Variants in IL1R2 observed in about 807,000 individuals in gnomAD.
IL1R2 encodes the protein interleukin-1 receptor type 2.
A neutral mutation model predicts 39.5 loss-of-function variants in IL1R2; 46 were observed. The ratio of observed to expected loss-of-function variants is 1.16; its 90% confidence interval spans 0.92 to 1.49. The LOEUF (loss-of-function observed/expected upper bound fraction) is 1.49. Ranked by LOEUF, IL1R2 falls within the 40% of genes most tolerant of loss-of-function variation. The pLI, the probability that IL1R2 is intolerant of heterozygous loss-of-function variation, is 0.00. For synonymous variants in IL1R2, 207 were observed against 189.6 expected, an observed-to-expected ratio of 1.09 and a Z score of -0.75; for missense variants, 537 against 502.0, an observed-to-expected ratio of 1.07 and a Z score of -0.67.
intron 5 of IL1R2, 32 bp from the exon 6 acceptor site, chr2:102,022,155 A>G (rs1677439244): frequency 1.9e-6 from 3 of 1,573,462 alleles, no homozygotes; most frequent in Non-Finnish European, 2.6e-6. Context: ...AGGCTTTCCT[A>G]ACGGAATCTC....
chr2:101,992,484 CAGAGAGACAGAGATGG>C (rs1236515487), intron 1 of IL1R2, among the ~76,000 whole-genome samples: 1 of 126,548 alleles, frequency 7.9e-6, no homozygotes, highest in African/African-American at 3.1e-5. Flanking sequence ...CAGAGAGAGG[CAGAGAGACAGAGATGG>C]AGAGAGACAG....
intron 4 of IL1R2, among the ~76,000 whole-genome samples, chr2:102,019,107 C>T (rs945884869): frequency 1.3e-5 from 2 of 152,140 alleles, no homozygotes; most frequent in African/African-American, 4.8e-5. Context: ...TCTGCAGAGA[C>T]CCCAGAGAAC....
intron 1 of IL1R2, among the ~76,000 whole-genome samples, chr2:101,995,835 C>T (rs1051302090): frequency 2.6e-5 from 4 of 152,180 alleles, no homozygotes; most frequent in Admixed American, 6.5e-5. Flanking sequence ...AGCAGTGGGA[C>T]GCCCATTGTT....
At chr2:102,002,353 T>G (rs11677645) in intron 1 of IL1R2, among the ~76,000 whole-genome samples, 17,408 of 146,902 alleles carry the variant, frequency 0.12, 1,270 homozygotes, top group East Asian at 0.33. Context: ...CGGGTGTGTC[T>G]GTGTCTGTGT....
chr2:102,022,965 A>C (rs750102740), intron 6 of IL1R2, among the ~76,000 whole-genome samples: 2 of 152,148 alleles, frequency 1.3e-5, no homozygotes, highest in Non-Finnish European at 2.9e-5. Flanking sequence ...AATTTTCCAA[A>C]AGGAAAAAGC....
At chr2:102,021,033 G>A (rs997848635) in intron 5 of IL1R2, among the ~76,000 whole-genome samples, 2 of 152,168 alleles carry the variant, frequency 1.3e-5, no homozygotes, top group Non-Finnish European at 2.9e-5. Context: ...AGATCCTGGA[G>A]GCTTCTTTCT....
At chr2:102,001,352 T>G (rs1288436473) in intron 1 of IL1R2, among the ~76,000 whole-genome samples, 3 of 152,218 alleles carry the variant, frequency 2.0e-5, no homozygotes, top group Non-Finnish European at 4.4e-5. Context: ...GATTTGCTCC[T>G]CTGAGATTCA....
At chr2:102,026,068 C>T (rs1477317884) in intron 7 of IL1R2, 43 bp from the exon 8 acceptor site, 1 of 1,469,646 alleles carries the variant, frequency 6.8e-7, no homozygotes, top group South Asian at 1.2e-5. Context: ...GACAAGCTTG[C>T]ATTCGATACA....
At chr2:102,011,487 C>T (rs751802861) in intron 3 of IL1R2, among the ~76,000 whole-genome samples, 6 of 152,166 alleles carry the variant, frequency 3.9e-5, no homozygotes, top group African/African-American at 1.2e-4. Flanking sequence ...TAATGATTAG[C>T]GATGCTGAGC....
chr2:102,003,574 G>A (rs1676056284), intron 1 of IL1R2, among the ~76,000 whole-genome samples: 2 of 90,450 alleles, frequency 2.2e-5, no homozygotes, highest in African/African-American at 1.4e-4. Context: ...GTCGGTGTCT[G>A]TGTCGGTGTC....
chr2:102,009,214 A>G (rs1398157767), intron 2 of IL1R2, among the ~76,000 whole-genome samples: 1 of 152,166 alleles, frequency 6.6e-6, no homozygotes, highest in African/African-American at 2.4e-5. Flanking sequence ...GCTCAGATTT[A>G]CTTTTAATGA....
Position 102,022,224 on chromosome 2 carries a change from C to G in IL1R2, c.726C>G (p.Pro242=), listed in dbSNP as rs373531762. The G allele has an allele frequency of 6.2e-7, 1 of 1,613,850 alleles. No individual in the cohort carries two copies. Among genetic ancestry groups the G allele is most frequent in the Non-Finnish European group, 8.5e-7 (1 of 1,179,692 alleles). ...KEETIPVIIS[P]LKTISASLGS... ...AGACCATTCCTGTGATCATTTCCCC[C>G]CTCAAGACCATATCAGCTTCTCTGG... The change falls in exon 6 of 9, where the codon CCC becomes CCG. Residue 242 remains proline (P), a synonymous_variant. Transcript: ENST00000332549.
At chr2:102,020,694 A>G (rs1167087821) in intron 5 of IL1R2, among the ~76,000 whole-genome samples, 2 of 152,202 alleles carry the variant, frequency 1.3e-5, no homozygotes, top group Non-Finnish European at 2.9e-5. Context: ...GGATTCGTTC[A>G]TATCAGCTCC....
chr2:101,993,962 C>T (rs1487291109), intron 1 of IL1R2, among the ~76,000 whole-genome samples: 3 of 152,226 alleles, frequency 2.0e-5, no homozygotes, highest in African/African-American at 7.2e-5. Context: ...GCACACTCAC[C>T]TCTTCCATGC....
At position 102,022,988 on chromosome 2, in the gene IL1R2, C is replaced by A. The variant is rs534955553; in HGVS notation, c.751+739C>A. On this transcript the variant is annotated intron_variant, in intron 6 of 8. Transcript: ENST00000332549. The stretch of plus-strand genomic sequence containing the variant: ...AAAAGGAAAAAGCCACCCAGGGCAT[C>A]ACGTTGGCTCAGTGGAGGCCAAAAG... 8.5e-5 allele frequency among the ~76,000 whole-genome samples: 13 copies of A among 152,290 alleles called. 1 individual carries two copies. The highest frequency in any genetic ancestry group is 4.1e-4 in the South Asian group (2 of 4,828).
intron 1 of IL1R2, among the ~76,000 whole-genome samples, chr2:101,998,119 A>G (rs965332607): frequency 1.3e-5 from 2 of 152,228 alleles, no homozygotes; most frequent in African/African-American, 4.8e-5. Flanking sequence ...TCTGTGTTGC[A>G]TGTACTGTCC....
At chr2:102,028,186 A>C (rs768854248) in intron 8 of IL1R2, 40 bp from the exon 9 acceptor site, 2 of 1,548,398 alleles carry the variant, frequency 1.3e-6, no homozygotes, top group East Asian at 4.6e-5. Flanking sequence ...GTACAGTGAG[A>C]GACTGTTCAG....
At position 102,013,544 on chromosome 2, in the gene IL1R2, A is replaced by G. The variant is rs1365777333; in HGVS notation, c.333-2327A>G. On this transcript the variant is annotated intron_variant, in intron 3 of 8. Coordinates refer to ENST00000332549, the MANE Select transcript of IL1R2 (RefSeq NM_004633.4). ...CACTGCAAAAAAAAAAAAAAAAAAA[A>G]AAAAAAAAGGAAAGAAAGAAAAGAA... 6.0e-3 allele frequency among the ~76,000 whole-genome samples: 863 copies of G among 144,156 alleles called. 21 individuals are homozygous for G. Among genetic ancestry groups the G allele is most frequent in the African/African-American group, 0.022 (833 of 37,996 alleles). 94.6% of individuals were successfully genotyped at this position (144,156 alleles called of 152,430 possible).
chr2:102,006,814 G>A (rs1016879336), intron 1 of IL1R2, among the ~76,000 whole-genome samples: 2 of 152,238 alleles, frequency 1.3e-5, no homozygotes, highest in African/African-American at 4.8e-5. Flanking sequence ...GCCGATGGCC[G>A]GGTGGGGCAT....
Sources: allele counts gnomAD v4.1 joint callset (sites outside exome capture counted in the v4.1 genomes callset), GRCh38; gene constraint gnomAD v4.1.1; transcripts MANE v1.5; gene names NCBI Gene and HGNC (gene_info 2026-07-23, HGNC 2026-07-21).